Variants in KIF20B observed in about 807,000 individuals in gnomAD.
The protein encoded by KIF20B is kinesin family member 20B, also known as kinesin-like protein KIF20B.
In KIF20B, 188 loss-of-function variants were observed where a neutral mutation model predicts 232.5. That is an observed-to-expected ratio of 0.81 (90% confidence interval 0.72 to 0.91). KIF20B has a LOEUF of 0.91. KIF20B is among the 40% of genes least tolerant of loss of function. KIF20B has a pLI of 0.00. For synonymous variants in KIF20B, 712 were observed against 683.0 expected (o/e 1.04, Z -0.66); for missense variants, 2,154 against 2,055.9 (o/e 1.05, Z -0.92).
In KIF20B at chr10:89,719,433, C is replaced by A; in HGVS notation, c.1449C>A (p.Asp483Glu). 1.9e-6 allele frequency: 3 copies of A among 1,580,542 alleles called. No individual in the cohort carries two copies. The highest frequency in any genetic ancestry group is 1.4e-5 in the African/African-American group (1 of 73,094). The part of the protein sequence containing the change: ...SAIAQKVCVP[D>E]TLNSSQEKLF... ...TATTTTAACAGGTTTGTGTCCCAGACACTTTAAATTCCTCTCAAGAGAAAT... is the reference window on the plus strand; with the variant it reads ...TATTTTAACAGGTTTGTGTCCCAGAAACTTTAAATTCCTCTCAAGAGAAAT... The change falls in exon 13 of 33, where the codon GAC becomes GAA. Residue 483 changes from aspartate (D) to glutamate (E), a missense_variant. Asp to Glu is a conservative substitution (Grantham distance 45). Transcript: ENST00000371728.
intron 25 of KIF20B, among the ~76,000 whole-genome samples, chr10:89,754,112 A>T (rs1589877630): frequency 1.3e-5 from 2 of 150,868 alleles, no homozygotes; most frequent in African/African-American, 2.4e-5. Flanking sequence ...GTTATTTTTT[A>T]TTTGGCATCT....
chr10:89,708,673 A>T lies in KIF20B; in HGVS notation c.148-494A>T, dbSNP rs542243525. ...TGTCTGTTTTGATTAAGTTGCATTT[A>T]TCAAGTTGTTTCCTTTTTACTTTTT... On this transcript the variant is annotated intron_variant, in intron 2 of 32. Coordinates refer to ENST00000371728, the MANE Select transcript of KIF20B (RefSeq NM_001284259.2). 2.0e-5 allele frequency among the ~76,000 whole-genome samples: 3 copies of T among 152,244 alleles called. No individual in the cohort carries two copies. The South Asian group carries it at 6.2e-4, about 32-fold the overall frequency.
chr10:89,750,568 A>AT (rs1233140057), intron 23 of KIF20B, among the ~76,000 whole-genome samples: 1 of 152,158 alleles, frequency 6.6e-6, no homozygotes, highest in African/African-American at 2.4e-5. Flanking sequence ...TGAGCTATGC[A>AT]TTTATAGCTT....
At chr10:89,768,620 A>C (rs932497549) in intron 30 of KIF20B, 118 bp from the exon 31 acceptor site, 281 of 1,012,058 alleles carry the variant, frequency 2.8e-4, no homozygotes, top group Non-Finnish European at 2.7e-4. Context: ...TTACATACTT[A>C]AAGTTTCCTA....
intron 31 of KIF20B, among the ~76,000 whole-genome samples, chr10:89,772,350 C>T (rs893551701): frequency 2.0e-5 from 3 of 151,976 alleles, no homozygotes; most frequent in Non-Finnish European, 2.9e-5. Flanking sequence ...GCTGCATGAT[C>T]CACTATGTAT....
intron 9 of KIF20B, 122 bp downstream of exon 9, chr10:89,716,669 T>G: frequency 1.6e-6 from 1 of 631,484 alleles, no homozygotes; most frequent in Non-Finnish European, 2.8e-6. Context: ...TCATAAGGCA[T>G]AAAAAACATT....
At chr10:89,711,232 G>T in intron 6 of KIF20B, 87 bp downstream of exon 6, 1 of 757,022 alleles carries the variant, frequency 1.3e-6, no homozygotes, top group Non-Finnish European at 2.0e-6. Context: ...ATTGGAATCT[G>T]GTTTGTGGTG....
At chr10:89,763,928 G>T (rs900071270) in intron 29 of KIF20B, among the ~76,000 whole-genome samples, 35 of 148,182 alleles carry the variant, frequency 2.4e-4, no homozygotes, top group South Asian at 1.3e-3. Flanking sequence ...TAAGTTTTAG[G>T]GTACATGTGC....
intron 31 of KIF20B, among the ~76,000 whole-genome samples, chr10:89,770,000 G>C (rs1370734394): frequency 1.5e-4 from 23 of 151,996 alleles, no homozygotes; most frequent in Non-Finnish European, 2.1e-4. Flanking sequence ...AACTTTGTTG[G>C]TTCACAGTGC....
chr10:89,768,756 T>C lies in KIF20B; in HGVS notation c.5110T>C (p.Ser1704Pro). ...KEQKVAIRPS[S>P]KKTYSLRSQA... ...TTATTAGGTTGCCATACGTCCATCA[T>C]CTAAGAAAACATATTCTTTACGGAG... The change falls in exon 31 of 33, where the codon TCT (serine) becomes CCT (proline). Residue 1704 changes from serine to proline, a missense_variant. Coordinates refer to ENST00000371728, the MANE Select transcript of KIF20B (RefSeq NM_001284259.2). 6.3e-7 allele frequency: 1 copy of C among 1,589,738 alleles called. No individual in the cohort carries two copies. The highest frequency in any genetic ancestry group is 8.5e-7 in the Non-Finnish European group (1 of 1,173,176).
In KIF20B at chr10:89,726,385, A is replaced by T. The variant is rs1182368644; in HGVS notation, c.2094A>T (p.Leu698Phe). 1.3e-6 allele frequency: 2 copies of T among 1,573,226 alleles called. No individual in the cohort carries two copies. Among genetic ancestry groups the T allele is most frequent in the East Asian group, 4.7e-5 (2 of 42,396 alleles). Residue 698 changes from leucine (L) to phenylalanine (F), a missense_variant, in exon 16 of 33, where the codon TTA becomes TTT. By Grantham distance (22) the Leu-to-Phe change is conservative. Coordinates refer to ENST00000371728, the MANE Select transcript of KIF20B (RefSeq NM_001284259.2). ...AGAAACAGGCTGAAATTGCTCACTT[A>T]TATATTGCATCTCTTCCTGACCCCC... The part of the protein sequence containing the change: ...DIKKQAEIAH[L>F]YIASLPDPQE...
intron 7 of KIF20B, among the ~76,000 whole-genome samples, chr10:89,714,349 C>T (rs531560710): frequency 2.0e-4 from 30 of 152,056 alleles, no homozygotes; most frequent in East Asian, 1.9e-4. Context: ...CGTGGTGGCG[C>T]GGGCCTGTAG....
chr10:89,738,207 G>T lies in KIF20B; in HGVS notation c.3366G>T (p.Gln1122His). 1 of 1,603,386 alleles carries T rather than the reference G, an allele frequency of 6.2e-7. No homozygotes were observed. Among genetic ancestry groups the T allele is most frequent in the South Asian group, 1.1e-5 (1 of 88,470 alleles). The change falls in exon 20 of 33, where the codon CAG (glutamine) becomes CAT (histidine). Residue 1122 changes from glutamine to histidine, a missense_variant. Physicochemically the swap from Gln to His is conservative, Grantham distance 24. Coordinates refer to ENST00000371728, the MANE Select transcript of KIF20B (RefSeq NM_001284259.2). ...DLLKEKETLIQQLKEELQEKN... is the reference protein window; with the variant it reads ...DLLKEKETLIHQLKEELQEKN... ...TAAAAGAAAAAGAAACTCTTATACA[G>T]CAGCTGAAAGAAGAATTGCAAGAAA...
chr10:89,718,710 G>A lies in KIF20B; in HGVS notation c.1272G>A (p.Lys424=), dbSNP rs748734451. 9 of 1,605,472 alleles carry A rather than the reference G, an allele frequency of 5.6e-6. No individual in the cohort carries two copies. The highest frequency in any genetic ancestry group is 7.6e-6 in the Non-Finnish European group (9 of 1,177,454). Residue 424 remains lysine (K), a splice_region_variant and synonymous_variant, in exon 12 of 33, where the codon AAG becomes AAA. Transcript: ENST00000371728. ...TGTTTTCTGAAAATTTTTTCTGTAG[G>A]TTTCAACAGCATGTGCCTTTCCGGG... The part of the protein sequence containing the change: ...INVLKNSEKS[K]FQQHVPFRES...
At chr10:89,716,682 G>A in intron 9 of KIF20B, 135 bp downstream of exon 9, 1 of 618,958 alleles carries the variant, frequency 1.6e-6, no homozygotes, top group Non-Finnish European at 2.9e-6. Flanking sequence ...AAAACATTTG[G>A]TATACAGAAT....
Position 89,717,581 on chromosome 10 carries a change from CT to C in KIF20B, c.1133del (p.Leu378TyrfsTer11), listed in dbSNP as rs1176722799. ...MSRVIRVSEL[S>X]LCDLAGSERT... ...CTTTTTTTTTCTTAATTCAGATTAT[CT>C]TTATGTGATCTTGCTGGTTCAGAAC... On this transcript the variant is annotated frameshift_variant, in exon 11 of 33. Coordinates refer to ENST00000371728, the MANE Select transcript of KIF20B (RefSeq NM_001284259.2). LOFTEE classifies it high-confidence loss of function. The C allele has an allele frequency of 6.2e-7, 1 of 1,606,762 alleles. No homozygotes were observed. The highest frequency in any genetic ancestry group is 8.5e-7 in the Non-Finnish European group (1 of 1,176,954).
At chr10:89,773,163 AGT>A (rs1405194312) in intron 32 of KIF20B, among the ~76,000 whole-genome samples, 1 of 151,746 alleles carries the variant, frequency 6.6e-6, no homozygotes, top group Non-Finnish European at 1.5e-5. Context: ...TCTGGGCCCA[AGT>A]GTTCCTGGTA....
chr10:89,726,189 G>A, intron 15 of KIF20B, 104 bp from the exon 16 acceptor site: 2 of 1,314,142 alleles, frequency 1.5e-6, no homozygotes, highest in Non-Finnish European at 2.0e-6. Flanking sequence ...AATTTCAAGT[G>A]ATGAATTTTT....
chr10:89,760,641 G>T lies in KIF20B; in HGVS notation c.4791+5G>T, dbSNP rs770653271. ...ATTTCCAGAAATAAAATAGAGGTGG[G>T]TATTTGGCAGCACAGTCCACTTATT... On this transcript the variant is annotated splice_donor_5th_base_variant and intron_variant, in intron 28 of 32. Coordinates refer to ENST00000371728, the MANE Select transcript of KIF20B (RefSeq NM_001284259.2). The T allele has an allele frequency of 2.5e-5, 37 of 1,478,224 alleles. No individual in the cohort carries two copies. The highest frequency in any genetic ancestry group is 3.5e-5 in the Non-Finnish European group (37 of 1,056,976). 91.6% of individuals were successfully genotyped at this position (1,478,224 alleles called of 1,614,324 possible).
Sources: allele counts gnomAD v4.1 joint callset (sites outside exome capture counted in the v4.1 genomes callset), GRCh38; gene constraint gnomAD v4.1.1; transcripts MANE v1.5; gene names NCBI Gene and HGNC (gene_info 2026-07-23, HGNC 2026-07-21).